Variants in ATP10B observed in about 807,000 individuals in gnomAD.
The protein encoded by ATP10B is ATPase phospholipid transporting 10B (putative).
In ATP10B, 122 loss-of-function variants were observed where a neutral mutation model predicts 141.2. That is an observed-to-expected ratio of 0.86 (90% CI 0.75 to 1.00). ATP10B has a LOEUF of 1.00. ATP10B is among the 50% of genes least tolerant of loss of function. The probability of loss-of-function intolerance (pLI) is 0.00; values close to 1 mark genes in which losing one functional copy is unlikely to be tolerated. For synonymous variants in ATP10B, 685 were observed against 692.0 expected (o/e 0.99, Z 0.16); for missense variants, 1,876 against 1,825.3 (o/e 1.03, Z -0.51).
At chr5:160,653,137 T>C (rs1486610581) in intron 7 of ATP10B, among the ~76,000 whole-genome samples, 2 of 131,248 alleles carry the variant, frequency 1.5e-5, no homozygotes, top group Non-Finnish European at 3.1e-5. Flanking sequence ...TATGTATACA[T>C]AAATATATAT....
chr5:160,668,193 G>A (rs983660075), intron 7 of ATP10B, among the ~76,000 whole-genome samples: 12 of 136,406 alleles, frequency 8.8e-5, no homozygotes, highest in African/African-American at 3.4e-4. Flanking sequence ...TTGTGCCACC[G>A]TACTCTAGCT....
intron 1 of ATP10B, among the ~76,000 whole-genome samples, chr5:160,837,094 A>C (rs1248920624): frequency 6.6e-6 from 1 of 152,146 alleles, no homozygotes; most frequent in African/African-American, 2.4e-5. Flanking sequence ...CCACCTCATC[A>C]GTCAGTCCAT....
intron 6 of ATP10B, among the ~76,000 whole-genome samples, chr5:160,672,789 A>C (rs944042822): frequency 6.6e-6 from 1 of 152,232 alleles, no homozygotes; most frequent in African/African-American, 2.4e-5. Context: ...AGAGTTGTGA[A>C]TAGAATTCCA....
chr5:160,872,973 A>G, the ATP10B span, among the ~76,000 whole-genome samples: 3 of 151,996 alleles, frequency 2.0e-5, no homozygotes, highest in African/African-American at 7.3e-5. Context: ...TGGTATGTTC[A>G]TTTTCACAAT....
intron 2 of ATP10B, among the ~76,000 whole-genome samples, chr5:160,772,390 A>G (rs893674078): frequency 6.6e-6 from 1 of 152,138 alleles, no homozygotes; most frequent in African/African-American, 2.4e-5. Flanking sequence ...CCTGTCATCC[A>G]GGAAGCCAAC....
At chr5:160,602,521 GCC>G in intron 21 of ATP10B, 54 bp downstream of exon 21, 1 of 1,609,422 alleles carries the variant, frequency 6.2e-7, no homozygotes, top group Non-Finnish European at 8.5e-7. Flanking sequence ...GAGAGATCTG[GCC>G]CCGTGGCAAG....
At chr5:160,653,159 AATATAT>A (rs1180866535) in intron 7 of ATP10B, among the ~76,000 whole-genome samples, 2 of 132,470 alleles carry the variant, frequency 1.5e-5, no homozygotes, top group African/African-American at 5.7e-5. Context: ...ATAAATACAT[AATATAT>A]ATTATATATA....
the ATP10B span, among the ~76,000 whole-genome samples, chr5:160,921,043 C>G: frequency 6.6e-6 from 1 of 152,098 alleles, no homozygotes; most frequent in African/African-American, 2.4e-5. Flanking sequence ...AACAAAGACA[C>G]GACACCCGCT....
At chr5:160,662,286 A>C (rs1399756537) in intron 7 of ATP10B, among the ~76,000 whole-genome samples, 9 of 152,200 alleles carry the variant, frequency 5.9e-5, no homozygotes, top group Non-Finnish European at 1.0e-4. Flanking sequence ...ACAGAATTGG[A>C]AAAAACTACT....
chr5:160,733,157 T>C (rs1017936309), intron 2 of ATP10B, among the ~76,000 whole-genome samples: 2 of 152,228 alleles, frequency 1.3e-5, no homozygotes, highest in East Asian at 1.9e-4. Flanking sequence ...GTTTTCATTG[T>C]AGAGATTTTC....
chr5:160,847,650 G>A (rs1776209504), intron 1 of ATP10B, among the ~76,000 whole-genome samples: 1 of 152,162 alleles, frequency 6.6e-6, no homozygotes, highest in Admixed American at 6.6e-5. Flanking sequence ...GAAGCAACAA[G>A]ATTTGATTGA....
chr5:160,907,077 C>T, the ATP10B span, among the ~76,000 whole-genome samples: 1 of 152,124 alleles, frequency 6.6e-6, no homozygotes, highest in African/African-American at 2.4e-5. Flanking sequence ...GGAAGACTGT[C>T]AAAATACCCA....
Position 160,617,903 on chromosome 5 carries a change from A to G in ATP10B, c.2487T>C (p.Tyr829=). The G allele has an allele frequency of 6.2e-7, 1 of 1,614,220 alleles. No homozygotes were observed. Among genetic ancestry groups the G allele is most frequent in the Non-Finnish European group, 8.5e-7 (1 of 1,180,014 alleles). ...RARTQKHLDL[Y]ARDGLRTLCI... ...ATAGTGTGCGCAGGCCATCTCTTGC[A>G]TACAAGTCTAGATGCTTTTGGGTCC... is the stretch of plus-strand genomic sequence containing the variant. Residue 829 remains tyrosine (Y), a synonymous_variant, in exon 16 of 26, where the codon TAT becomes TAC. Coordinates refer to ENST00000327245, the MANE Select transcript of ATP10B (RefSeq NM_025153.3).
At chr5:160,810,791 C>T (rs1380401293) in intron 1 of ATP10B, among the ~76,000 whole-genome samples, 1 of 152,022 alleles carries the variant, frequency 6.6e-6, no homozygotes, top group African/African-American at 2.4e-5. Flanking sequence ...AGTTGTAAGC[C>T]TCCTTATTTC....
the ATP10B span, among the ~76,000 whole-genome samples, chr5:160,919,223 C>CATAA: frequency 3.7e-5 from 1 of 26,964 alleles, no homozygotes; most frequent in African/African-American, 2.0e-4. Flanking sequence ...AACTCCGTCT[C>CATAA]AAAAAAAAAA....
intron 2 of ATP10B, among the ~76,000 whole-genome samples, chr5:160,719,372 C>T (rs1410561457): frequency 6.6e-6 from 1 of 152,212 alleles, no homozygotes; most frequent in Non-Finnish European, 1.5e-5. Context: ...TGCACTCTGG[C>T]CTGGGCAACA....
At chr5:160,596,796 G>T (rs577848952) in intron 22 of ATP10B, among the ~76,000 whole-genome samples, 12 of 152,180 alleles carry the variant, frequency 7.9e-5, no homozygotes, top group African/African-American at 2.9e-4. Context: ...ACTCACAATT[G>T]CTTCAAAGAG....
the ATP10B span, among the ~76,000 whole-genome samples, chr5:160,876,770 A>T: frequency 6.6e-6 from 1 of 151,374 alleles, no homozygotes; most frequent in Non-Finnish European, 1.5e-5. Context: ...TACGCAAATA[A>T]ACTAGAAAAT....
At chr5:160,726,030 T>A (rs563160329) in intron 2 of ATP10B, among the ~76,000 whole-genome samples, 29 of 151,908 alleles carry the variant, frequency 1.9e-4, no homozygotes, top group Admixed American at 1.6e-3. Flanking sequence ...GGAATGAGAG[T>A]CTGGGGAAGG....
Sources: allele counts gnomAD v4.1 joint callset (sites outside exome capture counted in the v4.1 genomes callset), GRCh38; gene constraint gnomAD v4.1.1; transcripts MANE v1.5; gene names NCBI Gene and HGNC (gene_info 2026-07-23, HGNC 2026-07-21).